Variants in INPP4B observed in about 807,000 individuals in gnomAD.
The protein encoded by INPP4B is inositol polyphosphate 4-phosphatase type II.
Under a neutral mutation model 122.5 loss-of-function variants are expected in INPP4B, and 55 were observed. The ratio of observed to expected loss-of-function variants is 0.45; its 90% CI spans 0.36 to 0.56. The LOEUF is 0.56. INPP4B is among the 20% of genes least tolerant of loss of function. INPP4B has a pLI of 0.00. For synonymous variants in INPP4B, 403 were observed against 388.7 expected, an observed-to-expected ratio of 1.04 and a Z score of -0.43; for missense variants, 1,000 against 1,097.7, an observed-to-expected ratio of 0.91 and a Z score of 1.26.
intron 2 of INPP4B, among the ~76,000 whole-genome samples, chr4:142,622,587 G>A (rs970484725): frequency 9.2e-5 from 14 of 151,970 alleles, no homozygotes; most frequent in Non-Finnish European, 1.5e-4. Context: ...AATATCATGC[G>A]GGAAATTCCT....
intron 1 of INPP4B, among the ~76,000 whole-genome samples, chr4:142,735,150 A>G (rs529893169): frequency 6.6e-6 from 1 of 152,250 alleles, no homozygotes; most frequent in East Asian, 1.9e-4. Context: ...CAGTTTATTT[A>G]ATCACTTTTA....
chr4:142,421,136 GA>G (rs1447515636), intron 5 of INPP4B, among the ~76,000 whole-genome samples: 3 of 152,102 alleles, frequency 2.0e-5, no homozygotes, highest in Admixed American at 6.6e-5. Context: ...TTCTTAGTTG[GA>G]AGCTATATTG....
At chr4:142,487,839 T>C (rs1455157392) in intron 2 of INPP4B, among the ~76,000 whole-genome samples, 3 of 152,174 alleles carry the variant, frequency 2.0e-5, no homozygotes, top group Non-Finnish European at 4.4e-5. Context: ...TGTCAAGATT[T>C]TCTGCAAACA....
rs549156775 is a variant in INPP4B, at chr4:142,484,175, A to T, written c.-190-21449T>A. On this transcript the variant is annotated intron_variant, in intron 2 of 25. Transcript: ENST00000262992. ...AACTTGGAAACGAAAGCTGTAGAAGAACAACAATATAAAAATGAGCAACTT... is the reference window on the plus strand; with the variant it reads ...AACTTGGAAACGAAAGCTGTAGAAGTACAACAATATAAAAATGAGCAACTT... 2.0e-5 allele frequency among the ~76,000 whole-genome samples: 3 copies of T among 152,194 alleles called. No individual in the cohort carries two copies. In the South Asian group the frequency reaches 6.2e-4, roughly 32 times the overall value.
intron 21 of INPP4B, among the ~76,000 whole-genome samples, chr4:142,120,191 C>G (rs1795972862): frequency 6.7e-6 from 1 of 148,500 alleles, no homozygotes; most frequent in Non-Finnish European, 1.5e-5. Flanking sequence ...AAATTTTGTT[C>G]TATTAATCTA....
At chr4:142,583,668 T>G (rs557709924) in intron 2 of INPP4B, 1 of 152,280 alleles carries the variant, frequency 6.6e-6, no homozygotes, top group Non-Finnish European at 1.5e-5. Flanking sequence ...AATGCCTGTT[T>G]ATGTGTGGAT....
chr4:142,567,978 T>G (rs1457730719), intron 2 of INPP4B, among the ~76,000 whole-genome samples: 1 of 152,140 alleles, frequency 6.6e-6, no homozygotes, highest in Non-Finnish European at 1.5e-5. Context: ...TGAGATTTGT[T>G]AATAAGAGCT....
intron 2 of INPP4B, among the ~76,000 whole-genome samples, chr4:142,690,887 C>T (rs767670334): frequency 3.3e-5 from 5 of 152,152 alleles, no homozygotes; most frequent in Non-Finnish European, 5.9e-5. Flanking sequence ...GAGTCCAGGA[C>T]CTTGTCCCTC....
In INPP4B at chr4:142,182,573, G is replaced by A. The variant is rs1263571381; in HGVS notation, c.1182-8764C>T. 1.5e-3 allele frequency among the ~76,000 whole-genome samples: 183 copies of A among 119,148 alleles called. 5 individuals are homozygous for A. The highest frequency in any genetic ancestry group is 4.0e-3 in the African/African-American group (112 of 28,220). The allele number at this position is 119,148 out of a possible 152,430, so 78.2% of individuals were successfully genotyped here. On this transcript the variant is annotated intron_variant, in intron 15 of 25. Coordinates refer to ENST00000262992, the MANE Select transcript of INPP4B (RefSeq NM_001101669.3). Reference sequence around the variant, plus strand: ...AAAAAAAAAAAACAAACAAAAAAAAGATTCTTAATGTGAAAAACAGCACGG... The same window carrying A: ...AAAAAAAAAAAACAAACAAAAAAAAAATTCTTAATGTGAAAAACAGCACGG...
intron 23 of INPP4B, among the ~76,000 whole-genome samples, chr4:142,086,905 C>CT (rs577395137): frequency 7.0e-4 from 106 of 152,206 alleles, no homozygotes; most frequent in African/African-American, 2.3e-3. Context: ...TATAACTTTC[C>CT]TTTTTTTGCC....
chr4:142,144,690 T>C (rs758548789), intron 18 of INPP4B, among the ~76,000 whole-genome samples: 1 of 152,076 alleles, frequency 6.6e-6, no homozygotes, highest in Non-Finnish European at 1.5e-5. Context: ...GTTTTGCCTA[T>C]ATGAATGTAT....
intron 9 of INPP4B, among the ~76,000 whole-genome samples, chr4:142,273,834 C>A (rs1257908074): frequency 6.6e-6 from 1 of 151,722 alleles, no homozygotes; most frequent in Non-Finnish European, 1.5e-5. Flanking sequence ...GTGGAAAAAA[C>A]AGAATGGTAA....
At chr4:142,781,600 A>G (rs1043144188) in intron 1 of INPP4B, among the ~76,000 whole-genome samples, 6 of 152,204 alleles carry the variant, frequency 3.9e-5, no homozygotes, top group African/African-American at 1.4e-4. Flanking sequence ...AAAATTTCCC[A>G]TCTGTGATTT....
chr4:142,029,619 C>T (rs905997913), intron 25 of INPP4B: 9 of 984,854 alleles, frequency 9.1e-6, no homozygotes, highest in African/African-American at 3.5e-5. Context: ...CCATTCTCTC[C>T]ATAAAGTTAC....
At chr4:142,669,003 C>T (rs560718907) in intron 2 of INPP4B, among the ~76,000 whole-genome samples, 151 of 152,154 alleles carry the variant, frequency 9.9e-4, no homozygotes, top group African/African-American at 3.4e-3. Flanking sequence ...TTGCAATGAG[C>T]GGAGATTGCG....
At chr4:142,635,904 T>G (rs1279334415) in intron 2 of INPP4B, among the ~76,000 whole-genome samples, 2 of 152,028 alleles carry the variant, frequency 1.3e-5, no homozygotes, top group African/African-American at 4.8e-5. Flanking sequence ...TTCTACAAAA[T>G]CTACAAAAAT....
chr4:142,305,399 A>G (rs895673580), intron 9 of INPP4B, 59 bp downstream of exon 9: 1 of 1,277,330 alleles, frequency 7.8e-7, no homozygotes, highest in Non-Finnish European at 1.1e-6. Context: ...CACACTGGCC[A>G]TCAATAAATA....
chr4:142,446,080 C>G (rs1812856887), intron 3 of INPP4B, among the ~76,000 whole-genome samples: 1 of 151,802 alleles, frequency 6.6e-6, no homozygotes, highest in Non-Finnish European at 1.5e-5. Flanking sequence ...AATCAATTAT[C>G]TAAGCTTTTA....
Position 142,109,456 on chromosome 4 carries a change from A to G in INPP4B, c.2277-1266T>C, listed in dbSNP as rs2292394. On this transcript the variant is annotated intron_variant, in intron 22 of 25. Transcript: ENST00000262992. ...TGCTTCTCTCCTCCCTGAAAGGACG[A>G]TGTCTTATAGTCTCCCTAGTTTAGC... Among the ~76,000 whole-genome samples the G allele has an allele frequency of 2.1e-4, 32 of 152,280 alleles. No homozygotes were observed. In the East Asian group the frequency reaches 3.7e-3, roughly 17 times the overall value.
Sources: allele counts gnomAD v4.1 joint callset (sites outside exome capture counted in the v4.1 genomes callset), GRCh38; gene constraint gnomAD v4.1.1; transcripts MANE v1.5; gene names NCBI Gene and HGNC (gene_info 2026-07-23, HGNC 2026-07-21).